The following LGR5 variants were observed in gnomAD, a reference collection of about 807,000 sequenced individuals.
The protein encoded by LGR5 is leucine-rich repeat-containing G protein-coupled receptor 5.
A neutral mutation model predicts 76.7 loss-of-function variants in LGR5; 54 were observed. That is an observed-to-expected ratio of 0.70 (90% CI 0.57 to 0.88). LGR5 has a LOEUF of 0.88. Among genes scored for constraint, LGR5 ranks in the 40% least tolerant of loss-of-function variants. The pLI, the probability that LGR5 is intolerant of heterozygous loss-of-function variation, is 0.00. For missense variants in LGR5, 1,078 were observed against 1,073.3 expected, an observed-to-expected ratio of 1.00 and a Z score of -0.06; for synonymous variants, 406 against 421.9, an observed-to-expected ratio of 0.96 and a Z score of 0.46.
chr12:71,469,633 A>T (rs1873011543), intron 1 of LGR5, among the ~76,000 whole-genome samples: 1 of 152,242 alleles, frequency 6.6e-6, no homozygotes, highest in Admixed American at 6.5e-5. Context: ...GAGAAAATCC[A>T]GTGAAGTGGA....
At chr12:71,494,959 G>C (rs1874244826) in intron 1 of LGR5, among the ~76,000 whole-genome samples, 1 of 150,978 alleles carries the variant, frequency 6.6e-6, no homozygotes, top group Admixed American at 6.6e-5. Flanking sequence ...ATCTGAGAGG[G>C]ACTTAACCAG....
At chr12:71,506,925 A>G (rs1309609280) in intron 2 of LGR5, among the ~76,000 whole-genome samples, 3 of 152,106 alleles carry the variant, frequency 2.0e-5, no homozygotes, top group African/African-American at 4.8e-5. Context: ...ATATCCCTTT[A>G]ACAGAACATT....
rs755922975 is a variant in LGR5 at position 71,583,822 on chromosome 12, G to T, written c.1812G>T (p.Met604Ile). 1 of 1,614,134 alleles carries T rather than the reference G, an allele frequency of 6.2e-7. No individual in the cohort carries two copies. The highest frequency in any genetic ancestry group is 1.1e-5 in the South Asian group (1 of 91,076). ...LLIGVIAAVNMLTGVSSAVLA... is the reference protein window; with the variant it reads ...LLIGVIAAVNILTGVSSAVLA... ...TTGGGGTCATCGCAGCAGTGAACAT[G>T]CTCACGGGAGTCTCCAGTGCCGTGC... is the stretch of plus-strand genomic sequence containing the variant. Residue 604 changes from methionine to isoleucine, a missense_variant, in exon 18 of 18, where the codon ATG becomes ATT. Met to Ile is a conservative substitution (Grantham distance 10). Transcript: ENST00000266674.
intron 1 of LGR5, among the ~76,000 whole-genome samples, chr12:71,494,226 G>A (rs555639719): frequency 2.5e-4 from 38 of 150,938 alleles, no homozygotes; most frequent in Non-Finnish European, 4.9e-4. Flanking sequence ...GATTACAGGC[G>A]TGAGCCACTG....
intron 1 of LGR5, among the ~76,000 whole-genome samples, chr12:71,495,241 T>G (rs1181269531): frequency 6.6e-6 from 1 of 151,380 alleles, no homozygotes; most frequent in Non-Finnish European, 1.5e-5. Context: ...GAGGCAAGCA[T>G]TTATGGGAAG....
intron 4 of LGR5, among the ~76,000 whole-genome samples, chr12:71,543,135 G>A (rs913135293): frequency 1.3e-5 from 2 of 151,918 alleles, no homozygotes; most frequent in African/African-American, 4.8e-5. Flanking sequence ...GACAAGATCG[G>A]GCACATTCAA....
rs369292496 is a variant in LGR5 at position 71,440,334 on chromosome 12, G to A, written c.212+42G>A. ...GTCACTCCGGGAGAGAGACTAAGAG[G>A]GGAAGGAAGGTTCGTCCAAGGCGAG... On this transcript the variant is annotated intron_variant, in intron 1 of 17. Transcript: ENST00000266674. The surrounding 1 kb of genome is among the most constrained non-coding windows in gnomAD (Gnocchi z 5.3). The A allele has an allele frequency of 6.4e-5, 101 of 1,579,266 alleles. 1 individual carries two copies. In the South Asian group the frequency reaches 7.7e-4, roughly 12 times the overall value.
intron 2 of LGR5, among the ~76,000 whole-genome samples, chr12:71,508,518 G>A (rs531642308): frequency 6.6e-6 from 1 of 152,096 alleles, no homozygotes; most frequent in African/African-American, 2.4e-5. Context: ...CACTTTGGGA[G>A]GCCAAGGTGG....
At chr12:71,500,475 T>C (rs1677750561) in intron 1 of LGR5, among the ~76,000 whole-genome samples, 6 of 152,058 alleles carry the variant, frequency 3.9e-5, no homozygotes, top group Admixed American at 3.9e-4. Context: ...GCTCACTCTG[T>C]CACCCAGACT....
intron 6 of LGR5, among the ~76,000 whole-genome samples, chr12:71,557,902 T>C (rs1016110169): frequency 6.6e-6 from 1 of 152,184 alleles, no homozygotes; most frequent in Non-Finnish European, 1.5e-5. Flanking sequence ...CAAAGACCAC[T>C]TCTCCTGTGC....
At position 71,484,992 on chromosome 12, in the gene LGR5, T is replaced by A. The variant is rs149092194; in HGVS notation, c.213-19622T>A. On this transcript the variant is annotated intron_variant, in intron 1 of 17. Transcript: ENST00000266674. ...AAGCCAGCTAGCTCTAAACATTTTT[T>A]AGAATTATCCTATAATTTAAAAACA... Among the ~76,000 whole-genome samples, 411 of 152,338 alleles carry A rather than the reference T, an allele frequency of 2.7e-3. 3 individuals carry two copies. Among genetic ancestry groups the A allele is most frequent in the African/African-American group, 9.3e-3 (386 of 41,578 alleles).
chr12:71,521,751 A>C (rs924554842), intron 2 of LGR5, among the ~76,000 whole-genome samples: 2 of 152,220 alleles, frequency 1.3e-5, no homozygotes, highest in Non-Finnish European at 2.9e-5. Context: ...TTAGTCAGGC[A>C]CTACTGGGGC....
chr12:71,529,481 G>A (rs769644324), intron 3 of LGR5, among the ~76,000 whole-genome samples: 2 of 152,090 alleles, frequency 1.3e-5, no homozygotes, highest in African/African-American at 2.4e-5. Context: ...TCCCTCCCCC[G>A]ACCTGTGAGG....
chr12:71,523,491 A>G (rs1031632937), intron 2 of LGR5, among the ~76,000 whole-genome samples: 1 of 152,184 alleles, frequency 6.6e-6, no homozygotes, highest in African/African-American at 2.4e-5. Flanking sequence ...AAAGAAAAAA[A>G]AGAAAAAGAA....
At chr12:71,442,967 GA>G (rs1467720587) in intron 1 of LGR5, among the ~76,000 whole-genome samples, 2 of 152,222 alleles carry the variant, frequency 1.3e-5, no homozygotes, top group Admixed American at 1.3e-4. Context: ...GGGCCCAGTA[GA>G]AATTAAGCCT....
intron 1 of LGR5, among the ~76,000 whole-genome samples, chr12:71,443,761 C>A (rs2137193078): frequency 6.6e-6 from 1 of 152,176 alleles, no homozygotes; most frequent in Admixed American, 6.5e-5. Flanking sequence ...AATGAAGATC[C>A]TAATATAATA....
chr12:71,487,472 T>A (rs1245339889), intron 1 of LGR5, among the ~76,000 whole-genome samples: 1 of 152,208 alleles, frequency 6.6e-6, no homozygotes, highest in Non-Finnish European at 1.5e-5. Context: ...TGGAATGTAG[T>A]GGCATAATCA....
At chr12:71,441,144 C>T (rs531445313) in intron 1 of LGR5, among the ~76,000 whole-genome samples, 1 of 152,272 alleles carries the variant, frequency 6.6e-6, no homozygotes, top group Non-Finnish European at 1.5e-5. Context: ...CCTTCTCTCC[C>T]CACTGCAACT....
intron 3 of LGR5, among the ~76,000 whole-genome samples, chr12:71,534,864 CCT>C (rs1222172738): frequency 3.9e-5 from 6 of 152,162 alleles, no homozygotes; most frequent in Non-Finnish European, 8.8e-5. Flanking sequence ...AATCTCACCC[CCT>C]GATACCATCT....
Sources: gnomAD v4.1 joint callset for allele counts (sites outside exome capture counted in the v4.1 genomes callset) on GRCh38, gnomAD v4.1.1 for gene constraint, Gnocchi (gnomAD v3.1) non-coding constraint, MANE v1.5 for transcripts, NCBI Gene and HGNC (gene_info 2026-07-23, HGNC 2026-07-21) for gene names.